Variants in TMC1 observed in about 807,000 individuals in gnomAD.
TMC1 encodes transmembrane channel like 1.
In TMC1, 84 loss-of-function variants were observed where a neutral mutation model predicts 105.8. That is an observed-to-expected ratio of 0.79 (90% CI 0.67 to 0.95). The LOEUF (loss-of-function observed/expected upper bound fraction) is 0.95, where lower values mean the gene tolerates loss of function less well. TMC1 is among the 40% of genes least tolerant of loss of function. The pLI is 0.00. For missense variants in TMC1, 817 were observed against 914.1 expected, an observed-to-expected ratio of 0.89 and a Z score of 1.37; for synonymous variants, 315 against 311.5, an observed-to-expected ratio of 1.01 and a Z score of -0.12.
intron 19 of TMC1, chr9:72,818,696 A>G (rs753055917): frequency 2.6e-5 from 4 of 152,220 alleles, no homozygotes; most frequent in Non-Finnish European, 2.9e-5. Context: ...AGAATTTTAT[A>G]AGGCTAAAGT....
chr9:72,765,805 T>C (rs563702566), intron 12 of TMC1, among the ~76,000 whole-genome samples: 2 of 152,306 alleles, frequency 1.3e-5, no homozygotes, highest in East Asian at 1.9e-4. Flanking sequence ...CTATGAGACA[T>C]GCAAGTGGAG....
At chr9:72,622,376 C>A (rs1424086095) in intron 3 of TMC1, among the ~76,000 whole-genome samples, 1 of 152,192 alleles carries the variant, frequency 6.6e-6, no homozygotes, top group African/African-American at 2.4e-5. Flanking sequence ...TTCCTGCAGG[C>A]TGCCTGTGGT....
At chr9:72,807,323 C>T (rs957979254) in intron 18 of TMC1, among the ~76,000 whole-genome samples, 2 of 152,148 alleles carry the variant, frequency 1.3e-5, no homozygotes, top group African/African-American at 4.8e-5. Flanking sequence ...TGTAATTCGT[C>T]ATTTACACAC....
At chr9:72,806,631 G>A (rs1828596854) in intron 18 of TMC1, among the ~76,000 whole-genome samples, 1 of 151,676 alleles carries the variant, frequency 6.6e-6, no homozygotes, top group African/African-American at 2.4e-5. Context: ...CGGGGTCGCA[G>A]CCGGGCAGAG....
At chr9:72,563,790 T>G (rs1235767340) in intron 1 of TMC1, among the ~76,000 whole-genome samples, 3 of 149,496 alleles carry the variant, frequency 2.0e-5, no homozygotes, top group Non-Finnish European at 4.4e-5. Context: ...ATCCCAGCTA[T>G]TCGGGAGGCT....
rs1202394364 is a variant in TMC1 at position 72,627,975 on chromosome 9, C to T, written c.-141C>T. On this transcript the variant is annotated 5_prime_UTR_variant, in exon 4 of 24. Transcript: ENST00000297784. ...CCCTGTGCTTCACATCTGAAAATCTCTGCTGGGGGCAGCAACTTTGAGCCT... is the reference window on the plus strand; with the variant it reads ...CCCTGTGCTTCACATCTGAAAATCTTTGCTGGGGGCAGCAACTTTGAGCCT... 2 of 455,396 alleles carry T rather than the reference C, an allele frequency of 4.4e-6. No homozygotes were observed. Among genetic ancestry groups the T allele is most frequent in the South Asian group, 1.6e-5 (1 of 64,492 alleles). The allele number at this position is 455,396 out of a possible 1,614,324, so 28.2% of individuals were successfully genotyped here.
intron 1 of TMC1, among the ~76,000 whole-genome samples, chr9:72,526,377 A>C (rs1823408600): frequency 6.6e-6 from 1 of 152,060 alleles, no homozygotes; most frequent in Admixed American, 6.6e-5. Flanking sequence ...ACAGTAAAAA[A>C]CCCTCAATGG....
At chr9:72,721,304 A>G (rs1827021071) in intron 8 of TMC1, among the ~76,000 whole-genome samples, 1 of 152,156 alleles carries the variant, frequency 6.6e-6, no homozygotes, top group African/African-American at 2.4e-5. Context: ...AGCCTGCTTC[A>G]GAAAAATCTG....
intron 8 of TMC1, among the ~76,000 whole-genome samples, chr9:72,701,881 C>G (rs890577736): frequency 1.7e-4 from 26 of 152,210 alleles, no homozygotes; most frequent in Admixed American, 4.6e-4. Context: ...TTTGCAACAC[C>G]ACAAAATTGC....
intron 2 of TMC1, among the ~76,000 whole-genome samples, chr9:72,584,784 CTT>C (rs71357591): frequency 1.4e-4 from 16 of 112,960 alleles, no homozygotes; most frequent in Non-Finnish European, 2.1e-4. Context: ...CTTTTCTTTT[CTT>C]TTTTTTTTTT....
intron 1 of TMC1, among the ~76,000 whole-genome samples, chr9:72,545,524 G>T (rs1474019935): frequency 6.6e-6 from 1 of 152,134 alleles, no homozygotes; most frequent in Non-Finnish European, 1.5e-5. Flanking sequence ...GTCTCACTCT[G>T]TTGCCCAGGA....
At chr9:72,577,793 A>T (rs1345839936) in intron 1 of TMC1, 109 bp from the exon 2 acceptor site, 2 of 152,130 alleles carry the variant, frequency 1.3e-5, no homozygotes, top group African/African-American at 2.4e-5. Flanking sequence ...CAACTGAGTT[A>T]TGGGTCTTCA....
intron 1 of TMC1, among the ~76,000 whole-genome samples, chr9:72,555,331 G>A (rs950015671): frequency 9.2e-5 from 14 of 151,820 alleles, no homozygotes; most frequent in African/African-American, 3.4e-4. Context: ...AAGTAGATGG[G>A]ACTACCACCG....
chr9:72,834,030 T>G (rs942979619), intron 23 of TMC1, among the ~76,000 whole-genome samples: 2 of 151,566 alleles, frequency 1.3e-5, no homozygotes, highest in Non-Finnish European at 1.5e-5. Context: ...ATTTTCTGTT[T>G]TTTTTTTTTT....
In TMC1 at chr9:72,813,729, C is replaced by T. The variant is rs181628476; in HGVS notation, c.1696-2414C>T. Among the ~76,000 whole-genome samples the T allele has an allele frequency of 1.5e-4, 23 of 152,320 alleles. 1 individual carries two copies. The highest frequency in any genetic ancestry group is 1.5e-3 in the Admixed American group (23 of 15,300). On this transcript the variant is annotated intron_variant, in intron 18 of 23. Coordinates refer to ENST00000297784, the MANE Select transcript of TMC1 (RefSeq NM_138691.3). Reference sequence around the variant, plus strand: ...TGGCACATGGGCCATAGTATGCTGACCTTTGGTCTAGTTCATTTTTGATTT... The same window carrying T: ...TGGCACATGGGCCATAGTATGCTGATCTTTGGTCTAGTTCATTTTTGATTT...
intron 20 of TMC1, among the ~76,000 whole-genome samples, chr9:72,826,207 CTTAG>C (rs1473106086): frequency 6.6e-6 from 1 of 152,062 alleles, no homozygotes; most frequent in Non-Finnish European, 1.5e-5. Flanking sequence ...CTAGCTATTC[CTTAG>C]TAAGTCAAGA....
chr9:72,809,457 T>G (rs932213764), intron 18 of TMC1, among the ~76,000 whole-genome samples: 10 of 152,186 alleles, frequency 6.6e-5, no homozygotes, highest in Non-Finnish European at 1.3e-4. Context: ...ATGACGAATC[T>G]TTGATGTAGA....
chr9:72,660,170 C>A (rs1825951898), intron 5 of TMC1, among the ~76,000 whole-genome samples: 1 of 152,092 alleles, frequency 6.6e-6, no homozygotes, highest in Non-Finnish European at 1.5e-5. Context: ...CATGACACTT[C>A]CTGGGTAATG....
rs1225752516 is a variant in TMC1 at position 72,837,607 on chromosome 9, A to G, written c.*1634A>G. The G allele has an allele frequency of 6.6e-6, 1 of 152,116 alleles. No individual in the cohort carries two copies. Among genetic ancestry groups the G allele is most frequent in the African/African-American group, 2.4e-5 (1 of 41,400 alleles). 9.4% of individuals were successfully genotyped at this position (152,116 alleles called of 1,614,324 possible). A position where few individuals can be genotyped will look rare whatever the true frequency, so the allele number is the denominator to read the frequency against. ...TAGATATGTTTAAGCATTATTATGG[A>G]TTTACAGTTTGAATTGACTTTAAGT... On this transcript the variant is annotated 3_prime_UTR_variant, in exon 24 of 24. Coordinates refer to ENST00000297784, the MANE Select transcript of TMC1 (RefSeq NM_138691.3).
Sources: gnomAD v4.1 joint callset for allele counts (sites outside exome capture counted in the v4.1 genomes callset) on GRCh38, gnomAD v4.1.1 for gene constraint, MANE v1.5 for transcripts, NCBI Gene and HGNC (gene_info 2026-07-23, HGNC 2026-07-21) for gene names.